Variants in PEMT observed in about 807,000 individuals in gnomAD.
PEMT encodes the protein phospholipid methyltransferase.
A neutral mutation model predicts 27.4 loss-of-function variants in PEMT; 23 were observed. That is an observed-to-expected ratio of 0.84 (90% CI 0.60 to 1.19). The LOEUF (loss-of-function observed/expected upper bound fraction) is 1.19, where lower values mean the gene tolerates loss of function less well. PEMT is among the 50% of genes most tolerant of loss of function. The probability of loss-of-function intolerance (pLI) is 0.00; values close to 1 mark genes in which losing one functional copy is unlikely to be tolerated. For missense variants in PEMT, 307 were observed against 310.1 expected (o/e 0.99, Z 0.07); for synonymous variants, 137 against 139.1 (o/e 0.98, Z 0.11).
intron 2 of PEMT, among the ~76,000 whole-genome samples, chr17:17,546,078 T>A (rs1438103569): frequency 6.6e-6 from 1 of 152,214 alleles, no homozygotes; most frequent in Non-Finnish European, 1.5e-5. Context: ...ACCCATCTTA[T>A]GTCCTCAAGC....
At position 17,548,835 on chromosome 17, in the gene PEMT, G is replaced by A. The variant is rs1010983473; in HGVS notation, c.205-26440C>T. On this transcript the variant is annotated intron_variant, in intron 2 of 6. Transcript: ENST00000255389. ...GCTGGGATTACAGGCGTGAGCCGCC[G>A]AGTCCGGCCGAGTACAGGTCTTGAA... Among the ~76,000 whole-genome samples, 19 of 152,090 alleles carry A rather than the reference G, an allele frequency of 1.2e-4. 1 individual carries two copies. Among genetic ancestry groups the A allele is most frequent in the African/African-American group, 3.1e-4 (13 of 41,402 alleles).
intron 1 of PEMT, among the ~76,000 whole-genome samples, chr17:17,581,697 C>T (rs1911987014): frequency 6.6e-6 from 1 of 152,194 alleles, no homozygotes; most frequent in Non-Finnish European, 1.5e-5. Context: ...TCCACCCCCT[C>T]CCCCCTCTCC....
At chr17:17,544,076 G>A (rs1597911710) in intron 2 of PEMT, among the ~76,000 whole-genome samples, 1 of 152,104 alleles carries the variant, frequency 6.6e-6, no homozygotes, top group Non-Finnish European at 1.5e-5. Context: ...GGTGAGGGGG[G>A]CACTGGACGG....
chr17:17,516,474 G>A (rs944965137), intron 3 of PEMT, among the ~76,000 whole-genome samples: 1 of 152,164 alleles, frequency 6.6e-6, no homozygotes, highest in Admixed American at 6.5e-5. Context: ...GAAGCAGATG[G>A]TAGAAAGCAG....
chr17:17,509,649 A>AC (rs1192479714), intron 4 of PEMT, 104 bp from the exon 5 acceptor site: 1 of 784,896 alleles, frequency 1.3e-6, no homozygotes, highest in Non-Finnish European at 2.2e-6. Flanking sequence ...TGCAGGTGAG[A>AC]CAGGGCCCTG....
intron 1 of PEMT, among the ~76,000 whole-genome samples, chr17:17,579,710 C>T (rs925323521): frequency 6.6e-6 from 1 of 152,154 alleles, no homozygotes; most frequent in Non-Finnish European, 1.5e-5. Flanking sequence ...CCAATGCAGG[C>T]CCCTCCTAAG....
intron 2 of PEMT, among the ~76,000 whole-genome samples, chr17:17,540,261 C>T (rs901087145): frequency 1.3e-5 from 2 of 152,206 alleles, no homozygotes; most frequent in Non-Finnish European, 2.9e-5. Context: ...GACAGAAGAC[C>T]CCCAACATGG....
chr17:17,508,063 G>C (rs1362020881), intron 5 of PEMT: 1 of 152,652 alleles, frequency 6.6e-6, no homozygotes. Context: ...CGTTGGGTTT[G>C]GAAGGACTGA....
chr17:17,509,284 A>G (rs745789080), intron 5 of PEMT, 150 bp downstream of exon 5: 1 of 599,448 alleles, frequency 1.7e-6, no homozygotes, highest in Non-Finnish European at 3.0e-6. Context: ...CGCTTCTGAG[A>G]AAGGGAGAAC....
At chr17:17,525,230 A>T (rs1907583092) in intron 2 of PEMT, among the ~76,000 whole-genome samples, 1 of 152,180 alleles carries the variant, frequency 6.6e-6, no homozygotes, top group Non-Finnish European at 1.5e-5. Flanking sequence ...CCTCGGAAAG[A>T]GCTGATGCTA....
intron 1 of PEMT, among the ~76,000 whole-genome samples, chr17:17,590,953 C>T (rs576557061): frequency 1.3e-5 from 2 of 152,282 alleles, no homozygotes; most frequent in South Asian, 4.2e-4. Context: ...GGCCCCGAAA[C>T]GGCTGGGTGG....
At chr17:17,588,824 G>GCTGTC (rs1226279480) in intron 1 of PEMT, among the ~76,000 whole-genome samples, 1 of 152,210 alleles carries the variant, frequency 6.6e-6, no homozygotes, top group Non-Finnish European at 1.5e-5. Flanking sequence ...CTGCCTTCAG[G>GCTGTC]CAGCTGCCCA....
At chr17:17,505,905 C>A in intron 6 of PEMT, 57 bp from the exon 7 acceptor site, 1 of 1,548,232 alleles carries the variant, frequency 6.5e-7, no homozygotes. Context: ...ACCCACTGCC[C>A]GCACCAGAGC....
At chr17:17,517,167 A>T in intron 3 of PEMT, among the ~76,000 whole-genome samples, 1 of 152,076 alleles carries the variant, frequency 6.6e-6, no homozygotes. Context: ...CCCAGCAGGC[A>T]CCTTGATTCC....
intron 1 of PEMT, among the ~76,000 whole-genome samples, chr17:17,584,564 C>A (rs1308954738): frequency 6.6e-6 from 1 of 152,180 alleles, no homozygotes; most frequent in Non-Finnish European, 1.5e-5. Context: ...ACCTCGGCCT[C>A]CTCCCAAAGT....
At chr17:17,579,891 C>T (rs1911876204) in intron 1 of PEMT, among the ~76,000 whole-genome samples, 2 of 152,208 alleles carry the variant, frequency 1.3e-5, no homozygotes, top group African/African-American at 4.8e-5. Flanking sequence ...GCACCACTTG[C>T]CTAGCTGTGG....
At chr17:17,562,717 G>A (rs1910574558) in intron 2 of PEMT, among the ~76,000 whole-genome samples, 1 of 152,188 alleles carries the variant, frequency 6.6e-6, no homozygotes, top group Non-Finnish European at 1.5e-5. Context: ...GCTGAGGTGG[G>A]AGAATTTCTT....
intron 2 of PEMT, among the ~76,000 whole-genome samples, chr17:17,540,797 C>G (rs1324139925): frequency 6.6e-6 from 1 of 152,236 alleles, no homozygotes; most frequent in Non-Finnish European, 1.5e-5. Flanking sequence ...TGGACAGCAC[C>G]TGGCACAGTG....
In PEMT at chr17:17,521,846, T is replaced by C. The variant is rs1486265228; in HGVS notation, c.320+434A>G. On this transcript the variant is annotated intron_variant, in intron 3 of 6. Coordinates refer to ENST00000255389, the MANE Select transcript of PEMT (RefSeq NM_148172.3). ...CCTCCCAAAGTGCTAGGATTACAGG[T>C]GTGAGCCACCACGCCCGGCCTCAAA... Among the ~76,000 whole-genome samples the C allele has an allele frequency of 2.0e-5, 3 of 151,970 alleles. No homozygotes were observed. The East Asian group carries it at 5.8e-4, about 29-fold the overall frequency.
Sources: gnomAD v4.1 joint callset for allele counts (sites outside exome capture counted in the v4.1 genomes callset) on GRCh38, gnomAD v4.1.1 for gene constraint, MANE v1.5 for transcripts, NCBI Gene and HGNC (gene_info 2026-07-23, HGNC 2026-07-21) for gene names.